The following SPAG5 variants were observed in gnomAD, a reference collection of about 807,000 sequenced individuals.
SPAG5 encodes sperm-associated antigen 5.
In SPAG5, 99 loss-of-function variants were observed where a neutral mutation model predicts 145.4. The ratio of observed to expected loss-of-function variants is 0.68; its 90% CI spans 0.58 to 0.80. SPAG5 has a LOEUF of 0.80. SPAG5 is among the 30% of genes least tolerant of loss of function. The probability of loss-of-function intolerance (pLI) is 0.00; values close to 1 mark genes in which losing one functional copy is unlikely to be tolerated. For synonymous variants in SPAG5, 477 were observed against 525.4 expected (o/e 0.91, Z 1.26); for missense variants, 1,192 against 1,416.0 (o/e 0.84, Z 2.54).
intron 1 of SPAG5, 82 bp downstream of exon 1, chr17:28,598,814 A>G (rs1597600839): frequency 6.4e-7 from 1 of 1,568,730 alleles, no homozygotes; most frequent in South Asian, 1.1e-5. Context: ...GCTCGACCCA[A>G]CTTTCCAGGA....
rs776454837 is a variant in SPAG5 at position 28,592,436 on chromosome 17, C to T, written c.808G>A (p.Val270Ile). ...CTTTCCTCCATAGCTCCATGCTCTA[C>T]AATTTCCTCCTCTGGGTCCACATGA... The part of the protein sequence containing the change: ...VNHVDPEEEI[V>I]EHGAMEEREM... Residue 270 changes from valine to isoleucine, a missense_variant, in exon 3 of 24, where the codon GTA becomes ATA. Val to Ile is a conservative substitution (Grantham distance 29). This residue lies in a region of SPAG5 where 329 missense variants were observed against 354.0 expected (regional missense o/e 0.93). Transcript: ENST00000321765. 3 of 1,613,650 alleles carry T rather than the reference C, an allele frequency of 1.9e-6. No individual in the cohort carries two copies. The Admixed American group carries it at 5.0e-5, about 27-fold the overall frequency.
At position 28,588,523 on chromosome 17, in the gene SPAG5, T is replaced by C. The variant is rs552194563; in HGVS notation, c.1438-2024A>G. Among the ~76,000 whole-genome samples, 15 of 152,338 alleles carry C rather than the reference T, an allele frequency of 9.8e-5. No homozygotes were observed. In the East Asian group the frequency reaches 2.9e-3, roughly 29 times the overall value. ...TGGTAAGGTCATTACTTTGAGGATA[T>C]TTTCAACTCAAAGGAGGTCTCTGCA... is the stretch of plus-strand genomic sequence containing the variant. On this transcript the variant is annotated intron_variant, in intron 4 of 23. Transcript: ENST00000321765.
intron 15 of SPAG5, among the ~76,000 whole-genome samples, chr17:28,583,177 C>T (rs2070559604): frequency 6.6e-6 from 1 of 152,156 alleles, no homozygotes; most frequent in African/African-American, 2.4e-5. Flanking sequence ...ATGGTTTTCA[C>T]CACGTTGCCC....
intron 2 of SPAG5, among the ~76,000 whole-genome samples, chr17:28,598,092 G>A (rs1046155890): frequency 1.3e-5 from 2 of 152,198 alleles, no homozygotes; most frequent in Admixed American, 6.5e-5. Flanking sequence ...TTAAACTAAG[G>A]TGATTCAAGT....
intron 4 of SPAG5, among the ~76,000 whole-genome samples, chr17:28,587,697 AAC>A (rs1301540409): frequency 1.3e-5 from 2 of 148,992 alleles, no homozygotes; most frequent in Admixed American, 1.3e-4. Context: ...CAGTGTGGGT[AAC>A]AGAGTGAGAC....
At position 28,584,272 on chromosome 17, in the gene SPAG5, A is replaced by G; in HGVS notation, c.2310-20T>C. 6.2e-7 allele frequency: 1 copy of G among 1,613,910 alleles called. No homozygotes were observed. The highest frequency in any genetic ancestry group is 8.5e-7 in the Non-Finnish European group (1 of 1,180,016). ...TGCCATCTGCCAGAGACAACATATT[A>G]GATCCCATTTGGTCCTAAATCCTGG... is the stretch of plus-strand genomic sequence containing the variant. On this transcript the variant is annotated intron_variant, in intron 12 of 23. Coordinates refer to ENST00000321765, the MANE Select transcript of SPAG5 (RefSeq NM_006461.4).
intron 4 of SPAG5, among the ~76,000 whole-genome samples, chr17:28,588,871 G>A (rs1016180449): frequency 2.6e-5 from 4 of 151,952 alleles, no homozygotes; most frequent in African/African-American, 9.7e-5. Context: ...TAATAGAGAT[G>A]GGGTTTCACT....
In SPAG5 at chr17:28,586,131, G is replaced by C. The variant is rs375884808; in HGVS notation, c.1564C>G (p.Leu522Val). The C allele has an allele frequency of 1.1e-4, 173 of 1,614,046 alleles. No homozygotes were observed. The highest frequency in any genetic ancestry group is 9.6e-5 in the Non-Finnish European group (113 of 1,180,024). The change falls in exon 6 of 24, where the codon CTG becomes GTG. Residue 522 changes from leucine to valine, a missense_variant. By Grantham distance (32) the Leu-to-Val change is conservative. Transcript: ENST00000321765. ...GTCTTATCTTCTTCTAAATGCAACA[G>C]GGATAGGTGAAGCAAGGATATCAGC... Reference protein sequence around the residue: ...KELISLLHLSLLHLEEDKTTV... With the variant: ...KELISLLHLSVLHLEEDKTTV...
chr17:28,586,224 C>G, intron 5 of SPAG5, 42 bp from the exon 6 acceptor site: 1 of 1,540,036 alleles, frequency 6.5e-7, no homozygotes, highest in Admixed American at 1.7e-5. Flanking sequence ...AATAAAGTCA[C>G]TAAGCAGGAA....
Position 28,593,053 on chromosome 17 carries a change from T to C in SPAG5, c.191A>G (p.Asn64Ser). 8 of 1,612,990 alleles carry C rather than the reference T, an allele frequency of 5.0e-6. No homozygotes were observed. Among genetic ancestry groups the C allele is most frequent in the Non-Finnish European group, 6.8e-6 (8 of 1,179,068 alleles). ...ATTTACAAAATCCACTGGAGATGAGTTGTTGCTGCCTTCCTGCCAAAGGAA... is the reference window on the plus strand; with the variant it reads ...ATTTACAAAATCCACTGGAGATGAGCTGTTGCTGCCTTCCTGCCAAAGGAA... ...CKLGLQEGSN[N>S]SSPVDFVNNK... Residue 64 changes from asparagine (N) to serine (S), a missense_variant, in exon 3 of 24, where the codon AAC (asparagine) becomes AGC (serine). This residue lies in a region of SPAG5 where 329 missense variants were observed against 354.0 expected (regional missense o/e 0.93). Transcript: ENST00000321765.
chr17:28,592,974 T>C lies in SPAG5; in HGVS notation c.270A>G (p.Leu90=). 1 of 1,614,220 alleles carries C rather than the reference T, an allele frequency of 6.2e-7. No homozygotes were observed. The highest frequency in any genetic ancestry group is 8.5e-7 in the Non-Finnish European group (1 of 1,180,040). Residue 90 remains leucine, a synonymous_variant, in exon 3 of 24, where the codon CTA becomes CTG. Transcript: ENST00000321765. The part of the protein sequence containing the change: ...SEHFSHSSKW[L]ETCQHESDEQ... ...CATCTGATTCATGCTGACAAGTTTC[T>C]AGCCACTTTGAGGAATGACTGAAAT...
intron 15 of SPAG5, among the ~76,000 whole-genome samples, chr17:28,583,064 A>G (rs555360091): frequency 7.2e-5 from 11 of 152,318 alleles, no homozygotes; most frequent in Non-Finnish European, 1.5e-4. Flanking sequence ...TGCAGCCTCA[A>G]CTTCCCAGGC....
intron 15 of SPAG5, among the ~76,000 whole-genome samples, chr17:28,582,347 G>A (rs575893627): frequency 1.5e-3 from 221 of 152,272 alleles, no homozygotes; most frequent in African/African-American, 4.8e-3. Flanking sequence ...GACTTTCTAC[G>A]TACGACTCTC....
chr17:28,591,925 G>A (rs1156796548), intron 3 of SPAG5, 53 bp from the exon 4 acceptor site: 2 of 1,609,702 alleles, frequency 1.2e-6, no homozygotes, highest in Non-Finnish European at 1.7e-6. Context: ...GAAGGGATGG[G>A]AGGGGAAGGT....
chr17:28,598,755 G>T, intron 1 of SPAG5, 120 bp from the exon 2 acceptor site: 1 of 1,512,880 alleles, frequency 6.6e-7, no homozygotes, highest in Non-Finnish European at 9.1e-7. Context: ...CACCCTAGTC[G>T]CGCAGGAGCA....
chr17:28,585,845 C>T lies in SPAG5; in HGVS notation c.1740+19G>A, dbSNP rs2070581508. 6.2e-7 allele frequency: 1 copy of T among 1,614,226 alleles called. No homozygotes were observed. The highest frequency in any genetic ancestry group is 1.3e-5 in the African/African-American group (1 of 75,072). ...GGTGGAAACCTCCCACATCCAAGAACAAATGCCTGTCACCTTACCGCATCC... is the reference window on the plus strand; with the variant it reads ...GGTGGAAACCTCCCACATCCAAGAATAAATGCCTGTCACCTTACCGCATCC... On this transcript the variant is annotated intron_variant, in intron 7 of 23. Transcript: ENST00000321765.
rs2070629328 is a variant in SPAG5 at position 28,592,573 on chromosome 17, C to T, written c.671G>A (p.Arg224Lys). 6.2e-7 allele frequency: 1 copy of T among 1,614,210 alleles called. No individual in the cohort carries two copies. Among genetic ancestry groups the T allele is most frequent in the Non-Finnish European group, 8.5e-7 (1 of 1,180,042 alleles). ...LHCSKESLSS[R>K]TEAVREDLVP... is the part of the protein sequence containing the mutation. ...TAAGTCCTCACGCACAGCCTCAGTT[C>T]TACTGCTCAGGCTTTCCTTGGAGCA... Residue 224 changes from arginine (R) to lysine (K), a missense_variant, in exon 3 of 24, where the codon AGA becomes AAA. Physicochemically the swap from Arg to Lys is conservative, Grantham distance 26. Around this residue, in one of 5 missense-constraint regions of SPAG5, gnomAD observed 329 missense variants for 354.0 expected, o/e 0.93. Transcript: ENST00000321765.
intron 8 of SPAG5, 52 bp downstream of exon 8, chr17:28,585,482 C>G: frequency 6.2e-7 from 1 of 1,613,416 alleles, no homozygotes. Flanking sequence ...TATGCAACTA[C>G]CCTCCCAGTC....
chr17:28,584,058 G>A, intron 13 of SPAG5, 72 bp from the exon 14 acceptor site: 1 of 1,607,310 alleles, frequency 6.2e-7, no homozygotes, highest in Non-Finnish European at 8.5e-7. Flanking sequence ...GCTTTTTCTA[G>A]TTCACAGTCT....
Sources: gnomAD v4.1 joint callset for allele counts (sites outside exome capture counted in the v4.1 genomes callset) on GRCh38, gnomAD v4.1.1 for gene constraint, gnomAD v4.1.1 regional missense constraint, MANE v1.5 for transcripts, NCBI Gene and HGNC (gene_info 2026-07-23, HGNC 2026-07-21) for gene names.